The following EPM2A variants were observed in gnomAD, a reference collection of about 807,000 sequenced individuals.
EPM2A encodes the protein laforin.
A neutral mutation model predicts 26.5 loss-of-function variants in EPM2A; 21 were observed. The ratio of observed to expected loss-of-function variants is 0.79; its 90% CI spans 0.56 to 1.14. The LOEUF is 1.14. Ranked by LOEUF, EPM2A falls within the 50% of genes most tolerant of loss-of-function variation. The pLI is 0.00. For missense variants in EPM2A, 458 were observed against 440.8 expected, an observed-to-expected ratio of 1.04 and a Z score of -0.35; for synonymous variants, 217 against 177.6, an observed-to-expected ratio of 1.22 and a Z score of -1.76.
At chr6:145,527,983 G>A (rs1312220833) in intron 2 of EPM2A, among the ~76,000 whole-genome samples, 1 of 151,932 alleles carries the variant, frequency 6.6e-6, no homozygotes, top group Admixed American at 6.6e-5. Flanking sequence ...TGGCTTATAT[G>A]GAAAAAGTTT....
intron 2 of EPM2A, among the ~76,000 whole-genome samples, chr6:145,551,885 T>C (rs1253647612): frequency 6.6e-6 from 1 of 151,122 alleles, no homozygotes; most frequent in Non-Finnish European, 1.5e-5. Context: ...TAAAAGAAAC[T>C]TGGAAGCATG....
At position 145,403,546 on chromosome 6, in the gene EPM2A, C is replaced by T. The variant is rs192690546; in HGVS notation, c.556-19449G>A. On this transcript the variant is annotated intron_variant, in intron 4 of 4. Transcript: ENST00000638717. Reference sequence around the variant, plus strand: ...TGTCTTTCTGTCCTGGCTTATTTCACTTAACATAATGATCTTTAGTTCCGT... The same window carrying T: ...TGTCTTTCTGTCCTGGCTTATTTCATTTAACATAATGATCTTTAGTTCCGT... Among the ~76,000 whole-genome samples the T allele has an allele frequency of 3.2e-3, 493 of 152,206 alleles. 2 individuals carry two copies. The highest frequency in any genetic ancestry group is 6.8e-3 in the Middle Eastern group (2 of 294).
rs1040504692 is a variant in EPM2A at position 145,491,190 on chromosome 6, G to A, written c.555+11332C>T. The stretch of plus-strand genomic sequence containing the variant: ...CTTCAAGGGCTTTCATAATGAAGCA[G>A]GAAATTTTCCCCGACCCCTTCATGG... On this transcript the variant is annotated intron_variant, in intron 4 of 4. Transcript: ENST00000638717. 12 of 472,288 alleles carry A rather than the reference G, an allele frequency of 2.5e-5. No homozygotes were observed. In the Admixed American group the frequency reaches 2.9e-4, roughly 11 times the overall value. 29.3% of individuals were successfully genotyped at this position (472,288 alleles called of 1,614,324 possible).
intron 4 of EPM2A, among the ~76,000 whole-genome samples, chr6:145,474,354 CAG>C (rs760719261): frequency 6.6e-6 from 1 of 151,934 alleles, no homozygotes; most frequent in Non-Finnish European, 1.5e-5. Context: ...CCCAGCTACT[CAG>C]GAGGCTGAGG....
chr6:145,718,705 T>C (rs1028939631), intron 1 of EPM2A, among the ~76,000 whole-genome samples: 8 of 152,016 alleles, frequency 5.3e-5, no homozygotes, highest in African/African-American at 1.7e-4. Context: ...GGGAGAAAAT[T>C]TTCGCAACCT....
intron 2 of EPM2A, among the ~76,000 whole-genome samples, chr6:145,615,638 G>A (rs939942384): frequency 8.5e-5 from 13 of 152,060 alleles, no homozygotes; most frequent in African/African-American, 3.1e-4. Flanking sequence ...GAACTTCCTA[G>A]AGACTTGTTG....
At chr6:145,485,800 C>A (rs422099) in intron 4 of EPM2A, among the ~76,000 whole-genome samples, 2 of 151,954 alleles carry the variant, frequency 1.3e-5, no homozygotes, top group Non-Finnish European at 2.9e-5. Flanking sequence ...GCTGGGGAAG[C>A]CTCGCAATCA....
intron 2 of EPM2A, among the ~76,000 whole-genome samples, chr6:145,521,187 G>A (rs1014453067): frequency 6.6e-6 from 1 of 152,118 alleles, no homozygotes; most frequent in Non-Finnish European, 1.5e-5. Flanking sequence ...GATTCTGATG[G>A]GAGTTAGGTA....
intron 2 of EPM2A, among the ~76,000 whole-genome samples, chr6:145,554,643 C>T (rs1780702352): frequency 6.6e-6 from 1 of 152,006 alleles, no homozygotes; most frequent in Non-Finnish European, 1.5e-5. Flanking sequence ...CAAGGGCTTC[C>T]TTGCTTTCTC....
intron 1 of EPM2A, among the ~76,000 whole-genome samples, chr6:145,705,006 G>A (rs891032788): frequency 5.9e-5 from 9 of 152,354 alleles, no homozygotes; most frequent in Admixed American, 5.9e-4. Flanking sequence ...GGAAGATGGA[G>A]TGTATTCCAG....
At chr6:145,446,096 C>T (rs771480040) in intron 4 of EPM2A, among the ~76,000 whole-genome samples, 4 of 152,118 alleles carry the variant, frequency 2.6e-5, no homozygotes, top group Non-Finnish European at 4.4e-5. Flanking sequence ...CATCGGTTAC[C>T]CAGCCATGTA....
At chr6:145,564,790 T>G (rs1319400565) in intron 2 of EPM2A, among the ~76,000 whole-genome samples, 98 of 139,186 alleles carry the variant, frequency 7.0e-4, no homozygotes, top group African/African-American at 1.6e-3. Flanking sequence ...GGGCAGGGGG[T>G]GTGGAGGGAG....
chr6:145,452,616 G>A (rs1779212394), intron 4 of EPM2A, among the ~76,000 whole-genome samples: 1 of 150,704 alleles, frequency 6.6e-6, no homozygotes, highest in African/African-American at 2.4e-5. Context: ...AGCTTGCAGG[G>A]AGGCGGAGCT....
intron 4 of EPM2A, among the ~76,000 whole-genome samples, chr6:145,402,441 G>A (rs1778502900): frequency 6.6e-6 from 1 of 152,156 alleles, no homozygotes; most frequent in African/African-American, 2.4e-5. Flanking sequence ...TTACTGTGCA[G>A]TGTCTGAGAT....
At chr6:145,525,147 T>C (rs1780253410) in intron 2 of EPM2A, among the ~76,000 whole-genome samples, 1 of 152,120 alleles carries the variant, frequency 6.6e-6, no homozygotes, top group Non-Finnish European at 1.5e-5. Context: ...TTTGTACCAA[T>C]ACCATGCTGT....
intron 4 of EPM2A, among the ~76,000 whole-genome samples, chr6:145,438,812 G>T (rs541412381): frequency 6.6e-6 from 1 of 152,230 alleles, no homozygotes; most frequent in African/African-American, 2.4e-5. Context: ...TTTATTTTAG[G>T]TTCAGGGGCA....
chr6:145,570,168 T>A (rs1173780136), intron 2 of EPM2A, among the ~76,000 whole-genome samples: 1 of 152,126 alleles, frequency 6.6e-6, no homozygotes, highest in African/African-American at 2.4e-5. Context: ...GTTAATCTCC[T>A]TTAGGGACAC....
chr6:145,636,926 AAAAAAAAAAAAATT>A, intron 2 of EPM2A: 1 of 149,274 alleles, frequency 6.7e-6, no homozygotes, highest in South Asian at 2.1e-4. Flanking sequence ...CCTGTCTGAA[AAAAAAAAAAAAATT>A]AAAAAAAAAA....
chr6:145,560,907 G>T (rs923867368), intron 2 of EPM2A, among the ~76,000 whole-genome samples: 2 of 151,912 alleles, frequency 1.3e-5, no homozygotes, highest in Admixed American at 6.6e-5. Context: ...TTTTATCATT[G>T]TGTGTTGATT....
Sources: gnomAD v4.1 joint callset for allele counts (sites outside exome capture counted in the v4.1 genomes callset) on GRCh38, gnomAD v4.1.1 for gene constraint, MANE v1.5 for transcripts, NCBI Gene and HGNC (gene_info 2026-07-23, HGNC 2026-07-21) for gene names.